Variants in ROBO1 observed in about 807,000 individuals in gnomAD.
ROBO1 encodes roundabout guidance receptor 1, also known as roundabout homolog 1.
In ROBO1, 149 loss-of-function variants were observed where a neutral mutation model predicts 195.9. That is an observed-to-expected ratio of 0.76 (90% CI 0.67 to 0.87). ROBO1 has a LOEUF of 0.87. Ranked by LOEUF, ROBO1 falls within the 40% of genes least tolerant of loss-of-function variation. The probability of loss-of-function intolerance (pLI) is 0.00; values close to 1 mark genes in which losing one functional copy is unlikely to be tolerated. For synonymous variants in ROBO1, 816 were observed against 733.2 expected, an observed-to-expected ratio of 1.11 and a Z score of -1.82; for missense variants, 1,933 against 2,068.3, an observed-to-expected ratio of 0.93 and a Z score of 1.27.
intron 1 of ROBO1, among the ~76,000 whole-genome samples, chr3:79,687,911 A>T (rs1217942260): frequency 6.6e-6 from 1 of 152,156 alleles, no homozygotes; most frequent in African/African-American, 2.4e-5. Context: ...CTATAAAGAC[A>T]TACGCACATG....
chr3:79,378,943 G>A (rs2036478012), intron 2 of ROBO1, among the ~76,000 whole-genome samples: 1 of 152,176 alleles, frequency 6.6e-6, no homozygotes, highest in Non-Finnish European at 1.5e-5. Context: ...TCTGCAAAGC[G>A]AGTTTAATAG....
intron 2 of ROBO1, among the ~76,000 whole-genome samples, chr3:79,272,580 G>A (rs917657795): frequency 3.9e-5 from 6 of 152,088 alleles, no homozygotes; most frequent in African/African-American, 1.4e-4. Flanking sequence ...GCAGGGGCAT[G>A]GCACAGAGAG....
chr3:79,396,441 T>C (rs1032617426), intron 2 of ROBO1, among the ~76,000 whole-genome samples: 2 of 151,978 alleles, frequency 1.3e-5, no homozygotes, highest in African/African-American at 2.4e-5. Context: ...ATTCTTTATA[T>C]CATGAAAGAA....
intron 3 of ROBO1, among the ~76,000 whole-genome samples, chr3:78,976,909 A>G (rs2107957259): frequency 6.6e-6 from 1 of 152,330 alleles, no homozygotes; most frequent in East Asian, 1.9e-4. Context: ...CACAAATTAT[A>G]GCAAACCTAC....
At chr3:79,067,004 A>C (rs1446356216) in intron 3 of ROBO1, among the ~76,000 whole-genome samples, 1 of 151,956 alleles carries the variant, frequency 6.6e-6, no homozygotes, top group Non-Finnish European at 1.5e-5. Context: ...AAATGCATAA[A>C]AGGCTTCTAG....
At chr3:78,686,195 T>A (rs1041446712) in intron 9 of ROBO1, among the ~76,000 whole-genome samples, 10 of 152,056 alleles carry the variant, frequency 6.6e-5, no homozygotes, top group Non-Finnish European at 1.2e-4. Flanking sequence ...CATTTGAAAA[T>A]TTAAGTAACT....
chr3:79,588,655 T>C (rs1375324382), intron 2 of ROBO1, among the ~76,000 whole-genome samples: 1 of 151,744 alleles, frequency 6.6e-6, no homozygotes, highest in Admixed American at 6.6e-5. Flanking sequence ...CTTTGATTCA[T>C]ACACTAATCT....
Position 79,101,407 on chromosome 3 carries a change from G to A in ROBO1, c.172+24049C>T, listed in dbSNP as rs370359074. Among the ~76,000 whole-genome samples the A allele has an allele frequency of 1.1e-3, 166 of 151,920 alleles. 5 individuals are homozygous for A. In the South Asian group the frequency reaches 0.033, roughly 30 times the overall value. On this transcript the variant is annotated intron_variant, in intron 3 of 30. Coordinates refer to ENST00000464233, the MANE Select transcript of ROBO1 (RefSeq NM_002941.4). The stretch of plus-strand genomic sequence containing the variant: ...AAAATTTTACATTTATAAGAATGAT[G>A]CCATATAACAGTAATTTGAGGACGT...
At chr3:78,634,192 G>A (rs1010805312) in intron 23 of ROBO1, 150 bp from the exon 24 acceptor site, 1 of 464,470 alleles carries the variant, frequency 2.2e-6, no homozygotes, top group African/African-American at 2.0e-5. Context: ...TATTCAGATT[G>A]TCAGGATATA....
At chr3:79,655,241 T>A (rs1021349756) in intron 1 of ROBO1, among the ~76,000 whole-genome samples, 1 of 152,100 alleles carries the variant, frequency 6.6e-6, no homozygotes, top group Non-Finnish European at 1.5e-5. Flanking sequence ...TAATTTGTTA[T>A]CATATTATGA....
intron 2 of ROBO1, among the ~76,000 whole-genome samples, chr3:79,450,681 T>C (rs1248204334): frequency 6.6e-6 from 1 of 151,964 alleles, no homozygotes; most frequent in African/African-American, 2.4e-5. Flanking sequence ...TATAGTGGCA[T>C]TTTATAAGAT....
At chr3:79,098,911 G>A (rs1394782731) in intron 3 of ROBO1, among the ~76,000 whole-genome samples, 3 of 151,540 alleles carry the variant, frequency 2.0e-5, no homozygotes, top group Admixed American at 1.3e-4. Context: ...CTCCATAAAC[G>A]TTTCCTAACA....
intron 4 of ROBO1, among the ~76,000 whole-genome samples, chr3:78,885,734 T>C (rs1034686379): frequency 2.0e-5 from 3 of 151,200 alleles, no homozygotes; most frequent in Admixed American, 6.6e-5. Context: ...ACATGTGTAA[T>C]AGCAGACACC....
intron 2 of ROBO1, among the ~76,000 whole-genome samples, chr3:79,492,427 G>GAAAA (rs57495210): frequency 2.7e-5 from 3 of 109,532 alleles, no homozygotes; most frequent in African/African-American, 7.1e-5. Flanking sequence ...CTCTGTTTCA[G>GAAAA]AAAAAAAAAA....
chr3:79,526,743 C>T (rs1490048486), intron 2 of ROBO1, among the ~76,000 whole-genome samples: 1 of 152,076 alleles, frequency 6.6e-6, no homozygotes, highest in Non-Finnish European at 1.5e-5. Flanking sequence ...TTAGCTTTTT[C>T]GACTTTTAAG....
rs142555939 is a variant in ROBO1 at position 78,887,389 on chromosome 3, T to A, written c.499+51212A>T. On this transcript the variant is annotated intron_variant, in intron 4 of 30. Coordinates refer to ENST00000464233, the MANE Select transcript of ROBO1 (RefSeq NM_002941.4). Reference sequence around the variant, plus strand: ...CCCTCCAATGCTCTATAAAGTTGCATGCACATGTAAATGAAAGCTTAACAT... The same window carrying A: ...CCCTCCAATGCTCTATAAAGTTGCAAGCACATGTAAATGAAAGCTTAACAT... 9.1e-4 allele frequency among the ~76,000 whole-genome samples: 138 copies of A among 152,270 alleles called. 2 individuals carry two copies. In the East Asian group the frequency reaches 0.02, roughly 22 times the overall value.
rs573376512 is a variant in ROBO1 at position 79,721,364 on chromosome 3, T to TA, written c.-51+46387dup. ...AACTATGAGACTATTGTTTATATCATAAAAAAACTAAAAAAAAGTACCAAA... is the reference window on the plus strand; with the variant it reads ...AACTATGAGACTATTGTTTATATCATAAAAAAAACTAAAAAAAAGTACCAAA... On this transcript the variant is annotated intron_variant, in intron 1 of 30. Transcript: ENST00000464233. Among the ~76,000 whole-genome samples the TA allele has an allele frequency of 4.7e-3, 720 of 152,060 alleles. 8 individuals carry two copies. Among genetic ancestry groups the TA allele is most frequent in the African/African-American group, 0.017 (687 of 41,476 alleles).
intron 3 of ROBO1, among the ~76,000 whole-genome samples, chr3:78,969,705 C>T (rs1055494265): frequency 6.6e-6 from 1 of 152,072 alleles, no homozygotes; most frequent in African/African-American, 2.4e-5. Flanking sequence ...AGATTTTAAT[C>T]CCTCACATTT....
chr3:79,408,517 A>C (rs970432188), intron 2 of ROBO1, among the ~76,000 whole-genome samples: 1 of 152,158 alleles, frequency 6.6e-6, no homozygotes, highest in Non-Finnish European at 1.5e-5. Context: ...AAATAAATAT[A>C]TGATATAAAG....
Sources: gnomAD v4.1 joint callset for allele counts (sites outside exome capture counted in the v4.1 genomes callset) on GRCh38, gnomAD v4.1.1 for gene constraint, MANE v1.5 for transcripts, NCBI Gene and HGNC (gene_info 2026-07-23, HGNC 2026-07-21) for gene names.